Variants in MGAT4C observed in about 807,000 individuals in gnomAD.
The protein encoded by MGAT4C is alpha-1,3-mannosyl-glycoprotein 4-beta-N-acetylglucosaminyltransferase C.
A neutral mutation model predicts 40.1 loss-of-function variants in MGAT4C; 19 were observed. The observed-to-expected ratio is 0.47, with a 90% CI of 0.33 to 0.70. The LOEUF (loss-of-function observed/expected upper bound fraction) is 0.70, where lower values mean the gene tolerates loss of function less well. Ranked by LOEUF, MGAT4C falls within the 30% of genes least tolerant of loss-of-function variation. The pLI, the probability that MGAT4C is intolerant of heterozygous loss-of-function variation, is 0.02. For synonymous variants in MGAT4C, 181 were observed against 187.1 expected (o/e 0.97, Z 0.27); for missense variants, 491 against 563.2 (o/e 0.87, Z 1.30).
intron 2 of MGAT4C, among the ~76,000 whole-genome samples, chr12:86,599,155 C>A (rs986805366): frequency 3.9e-5 from 6 of 152,012 alleles, no homozygotes; most frequent in Non-Finnish European, 8.8e-5. Context: ...TTATATTTAT[C>A]AACCTTAGAA....
chr12:86,152,635 G>A (rs1230235130), intron 1 of MGAT4C, among the ~76,000 whole-genome samples: 1 of 152,114 alleles, frequency 6.6e-6, no homozygotes, highest in East Asian at 1.9e-4. Context: ...ATCACACAGG[G>A]CTACTCTATT....
chr12:86,544,159 T>C (rs1007772030), intron 2 of MGAT4C, among the ~76,000 whole-genome samples: 6 of 152,178 alleles, frequency 3.9e-5, no homozygotes, highest in African/African-American at 1.4e-4. Context: ...CTTTCCACAA[T>C]GCAATTTTTA....
At chr12:86,693,752 A>C (rs2136602038) in intron 2 of MGAT4C, among the ~76,000 whole-genome samples, 1 of 152,264 alleles carries the variant, frequency 6.6e-6, no homozygotes, top group African/African-American at 2.4e-5. Context: ...AATGGAGAGA[A>C]ATTTTCAATT....
At chr12:86,641,376 G>C (rs957937874) in intron 2 of MGAT4C, among the ~76,000 whole-genome samples, 19 of 151,752 alleles carry the variant, frequency 1.3e-4, no homozygotes, top group Admixed American at 6.6e-4. Flanking sequence ...TTGTGGGGTG[G>C]GGGGAGAGGG....
intron 1 of MGAT4C, among the ~76,000 whole-genome samples, chr12:86,203,236 C>G (rs839151): frequency 0.68 from 102,848 of 151,962 alleles, 35,102 homozygotes; most frequent in South Asian, 0.75. Flanking sequence ...CTTAATTCAA[C>G]GGTTATATTC....
chr12:86,292,241 C>T (rs1433874122), intron 4 of MGAT4C, among the ~76,000 whole-genome samples: 2 of 151,414 alleles, frequency 1.3e-5, no homozygotes, highest in Admixed American at 1.3e-4. Context: ...TACATTTTAG[C>T]AAAAATATAA....
chr12:86,010,425 A>G (rs1023853635), intron 2 of MGAT4C, among the ~76,000 whole-genome samples: 1 of 152,208 alleles, frequency 6.6e-6, no homozygotes, highest in Non-Finnish European at 1.5e-5. Context: ...TCATGCCTAT[A>G]ATCCCAGCAC....
intron 1 of MGAT4C, among the ~76,000 whole-genome samples, chr12:86,763,843 A>G (rs1467522020): frequency 6.6e-6 from 1 of 152,166 alleles, no homozygotes; most frequent in African/African-American, 2.4e-5. Context: ...TAAGCTCTCT[A>G]TACCTAGAAT....
intron 1 of MGAT4C, among the ~76,000 whole-genome samples, chr12:86,764,085 G>A (rs1017310438): frequency 3.9e-5 from 6 of 152,144 alleles, no homozygotes; most frequent in Non-Finnish European, 5.9e-5. Flanking sequence ...GAAGCGCAAG[G>A]GGTCAGGGAG....
chr12:86,516,604 A>G (rs1349824067), intron 2 of MGAT4C, among the ~76,000 whole-genome samples: 1 of 152,148 alleles, frequency 6.6e-6, no homozygotes, highest in African/African-American at 2.4e-5. Flanking sequence ...CAATAAAAGG[A>G]AAAATAGACA....
chr12:86,769,409 T>C (rs993319140), intron 1 of MGAT4C, among the ~76,000 whole-genome samples: 26 of 152,140 alleles, frequency 1.7e-4, no homozygotes, highest in African/African-American at 4.8e-4. Context: ...ACTTTTACAC[T>C]GTTGGTGGGA....
At chr12:86,029,096 A>C (rs1046935094) in intron 2 of MGAT4C, among the ~76,000 whole-genome samples, 6 of 151,934 alleles carry the variant, frequency 3.9e-5, no homozygotes, top group Non-Finnish European at 8.8e-5. Context: ...ACAATGTTAT[A>C]AGCAGTAAAG....
At chr12:86,418,496 G>T (rs370852399) in intron 3 of MGAT4C, among the ~76,000 whole-genome samples, 2 of 151,918 alleles carry the variant, frequency 1.3e-5, no homozygotes, top group African/African-American at 4.8e-5. Flanking sequence ...GGAGGCTGGC[G>T]CAGGAGAATC....
chr12:86,793,497 A>T (rs925304337), intron 1 of MGAT4C, among the ~76,000 whole-genome samples: 1 of 152,080 alleles, frequency 6.6e-6, no homozygotes, highest in African/African-American at 2.4e-5. Flanking sequence ...ACTAAAATGA[A>T]TGAACATTTT....
chr12:86,709,291 T>C (rs1255820977), intron 2 of MGAT4C, among the ~76,000 whole-genome samples: 1 of 152,196 alleles, frequency 6.6e-6, no homozygotes, highest in Non-Finnish European at 1.5e-5. Context: ...TTGTCAGGCT[T>C]CCCCAGCCAC....
At chr12:86,228,149 G>A (rs1345497402) in intron 1 of MGAT4C, among the ~76,000 whole-genome samples, 1 of 151,746 alleles carries the variant, frequency 6.6e-6, no homozygotes, top group Non-Finnish European at 1.5e-5. Context: ...CATGGCTACA[G>A]TTTTACTTGG....
chr12:86,381,279 G>C (rs1338404016), intron 3 of MGAT4C, among the ~76,000 whole-genome samples: 1 of 152,124 alleles, frequency 6.6e-6, no homozygotes, highest in Non-Finnish European at 1.5e-5. Flanking sequence ...GGGATCTCAA[G>C]ATCACAAATT....
intron 1 of MGAT4C, among the ~76,000 whole-genome samples, chr12:86,220,723 C>T (rs1950846394): frequency 6.6e-6 from 1 of 152,146 alleles, no homozygotes; most frequent in Non-Finnish European, 1.5e-5. Context: ...TAAGGGGCTA[C>T]TGTGGACTAA....
At chr12:86,539,250 C>T (rs2136382970) in intron 2 of MGAT4C, among the ~76,000 whole-genome samples, 1 of 151,120 alleles carries the variant, frequency 6.6e-6, no homozygotes, top group Admixed American at 6.6e-5. Context: ...GTTCAATTCC[C>T]ACCTATGAAT....
Sources: allele counts gnomAD v4.1 joint callset (sites outside exome capture counted in the v4.1 genomes callset), GRCh38; gene constraint gnomAD v4.1.1; transcripts MANE v1.5; gene names NCBI Gene and HGNC (gene_info 2026-07-23, HGNC 2026-07-21).